Variants in SOX5 observed in about 807,000 individuals in gnomAD.
SOX5 encodes SRY-box transcription factor 5.
A neutral mutation model predicts 92.0 loss-of-function variants in SOX5; 9 were observed. That is an observed-to-expected ratio of 0.10 (90% CI 0.06 to 0.17). The LOEUF is 0.17. SOX5 is among the 10% of genes least tolerant of loss of function. The pLI is 1.00. For missense variants in SOX5, 642 were observed against 944.5 expected, an observed-to-expected ratio of 0.68 and a Z score of 4.20; for synonymous variants, 344 against 336.3, an observed-to-expected ratio of 1.02 and a Z score of -0.25.
intron 1 of SOX5, among the ~76,000 whole-genome samples, chr12:24,370,768 G>T (rs1956660760): frequency 6.6e-6 from 1 of 152,198 alleles, no homozygotes; most frequent in Non-Finnish European, 1.5e-5. Context: ...CTCCAGCCTG[G>T]ATGACAGAAC....
intron 7 of SOX5, among the ~76,000 whole-genome samples, chr12:23,647,794 A>T (rs1380148774): frequency 6.6e-6 from 1 of 152,174 alleles, no homozygotes; most frequent in East Asian, 1.9e-4. Context: ...CTTCCTCTGG[A>T]TTAGGCTTTG....
At chr12:24,240,958 A>G (rs1190253744) in intron 3 of SOX5, among the ~76,000 whole-genome samples, 1 of 152,200 alleles carries the variant, frequency 6.6e-6, no homozygotes, top group Non-Finnish European at 1.5e-5. Flanking sequence ...CAGGTTCCTA[A>G]ATCTTTTCAT....
intron 4 of SOX5, among the ~76,000 whole-genome samples, chr12:24,000,708 C>T (rs1951514829): frequency 6.6e-6 from 1 of 152,052 alleles, no homozygotes; most frequent in African/African-American, 2.4e-5. Flanking sequence ...CCTATAATAA[C>T]TGCATTAAAT....
chr12:23,624,228 G>GT (rs1229037159), intron 8 of SOX5, among the ~76,000 whole-genome samples: 2 of 152,142 alleles, frequency 1.3e-5, no homozygotes, highest in African/African-American at 4.8e-5. Flanking sequence ...TGTAGTTTCA[G>GT]TTTGGGATGA....
At chr12:23,767,269 AT>A (rs2094768584) in intron 3 of SOX5, among the ~76,000 whole-genome samples, 1 of 151,896 alleles carries the variant, frequency 6.6e-6, no homozygotes, top group Non-Finnish European at 1.5e-5. Flanking sequence ...CATCAACATA[AT>A]GTACTATACA....
At chr12:24,547,024 A>T (rs1344583667) in intron 1 of SOX5, among the ~76,000 whole-genome samples, 2 of 152,226 alleles carry the variant, frequency 1.3e-5, no homozygotes, top group Non-Finnish European at 2.9e-5. Flanking sequence ...ACATTTACAT[A>T]GTCAAAGTAA....
Position 24,421,121 on chromosome 12 carries a change from GAATT to G in SOX5, c.-250-52486_-250-52483del, listed in dbSNP as rs1264453046. On this transcript the variant is annotated intron_variant, in intron 1 of 4. Coordinates refer to the SOX5 transcript ENST00000446891. The stretch of plus-strand genomic sequence containing the variant: ...GATTATAAAACATAATGAAATGCAA[GAATT>G]ATTATGGTGAAAGTTCAGATATTAT... Among the ~76,000 whole-genome samples, 3 of 152,196 alleles carry G rather than the reference GAATT, an allele frequency of 2.0e-5. No individual in the cohort carries two copies. The East Asian group carries it at 5.8e-4, about 29-fold the overall frequency.
At position 23,899,856 on chromosome 12, in the gene SOX5, C is replaced by T. The variant is rs11047152; in HGVS notation, c.39-3832G>A. Among the ~76,000 whole-genome samples the T allele has an allele frequency of 6.1e-3, 928 of 152,148 alleles. 13 individuals carry two copies. Among genetic ancestry groups the T allele is most frequent in the African/African-American group, 0.021 (859 of 41,516 alleles). On this transcript the variant is annotated intron_variant, in intron 1 of 14. Coordinates refer to ENST00000451604, the MANE Select transcript of SOX5 (RefSeq NM_006940.6). ...GCCTCTGGTTAAAGAAGCTTATGAG[C>T]TGGTTGAGAATATTTTAAATAAAAG... is the stretch of plus-strand genomic sequence containing the variant.
At chr12:24,436,332 C>T (rs1433023711) in intron 1 of SOX5, among the ~76,000 whole-genome samples, 2 of 152,284 alleles carry the variant, frequency 1.3e-5, no homozygotes, top group Non-Finnish European at 2.9e-5. Flanking sequence ...ATTAAAGGTG[C>T]TACTGCAGTG....
chr12:24,038,690 T>G (rs1280687546), intron 4 of SOX5, among the ~76,000 whole-genome samples: 1 of 152,188 alleles, frequency 6.6e-6, no homozygotes, highest in Non-Finnish European at 1.5e-5. Flanking sequence ...ATTACATGTT[T>G]TAGATTTGAG....
At chr12:24,279,128 T>C (rs1010059373) in intron 2 of SOX5, among the ~76,000 whole-genome samples, 6 of 152,190 alleles carry the variant, frequency 3.9e-5, no homozygotes, top group Non-Finnish European at 7.3e-5. Flanking sequence ...TACCATCATC[T>C]TTATGTCAAG....
intron 2 of SOX5, among the ~76,000 whole-genome samples, chr12:24,349,856 C>T (rs1319347375): frequency 6.6e-6 from 1 of 152,168 alleles, no homozygotes; most frequent in East Asian, 1.9e-4. Context: ...TGAGGGACTG[C>T]TGTACTGTGT....
intron 3 of SOX5, among the ~76,000 whole-genome samples, chr12:24,223,993 G>A (rs1427415128): frequency 6.6e-6 from 1 of 152,156 alleles, no homozygotes; most frequent in African/African-American, 2.4e-5. Flanking sequence ...ATGCAAAGGT[G>A]GTCGCATGAA....
Position 23,530,632 on chromosome 12 carries a change from G to C in SOX5, c.*3587C>G, listed in dbSNP as rs1440946646. The C allele has an allele frequency of 6.6e-6, 1 of 151,974 alleles. No homozygotes were observed. Among genetic ancestry groups the C allele is most frequent in the Non-Finnish European group, 1.5e-5 (1 of 68,012 alleles). The allele number at this position is 151,974 out of a possible 1,614,324, so 9.4% of individuals were successfully genotyped here. On this transcript the variant is annotated 3_prime_UTR_variant, in exon 15 of 15. Transcript: ENST00000451604. ...TAGTTTTATATTTTATCCAATTGTGGTAAGTTAATCACTAACTTATTATTA... is the reference window on the plus strand; with the variant it reads ...TAGTTTTATATTTTATCCAATTGTGCTAAGTTAATCACTAACTTATTATTA...
At chr12:24,259,504 G>A (rs1358673207) in intron 3 of SOX5, among the ~76,000 whole-genome samples, 2 of 152,070 alleles carry the variant, frequency 1.3e-5, no homozygotes, top group South Asian at 4.1e-4. Flanking sequence ...CTAAGTAAAA[G>A]GCATTTTCAA....
intron 2 of SOX5, among the ~76,000 whole-genome samples, chr12:24,303,606 C>G (rs12304682): frequency 0.1 from 15,608 of 152,106 alleles, 830 homozygotes; most frequent in Non-Finnish European, 0.13. Context: ...AGATGTAATT[C>G]CTATAGTTGA....
chr12:24,207,026 C>T (rs926162057), intron 4 of SOX5, among the ~76,000 whole-genome samples: 9 of 152,214 alleles, frequency 5.9e-5, no homozygotes, highest in East Asian at 1.9e-4. Flanking sequence ...CCTCTTCTAA[C>T]GAGCACTTCT....
At chr12:24,018,375 T>C (rs1321143880) in intron 4 of SOX5, among the ~76,000 whole-genome samples, 1 of 152,242 alleles carries the variant, frequency 6.6e-6, no homozygotes, top group South Asian at 2.1e-4. Flanking sequence ...ATTCAACGTA[T>C]CTGATGCATT....
chr12:23,910,632 G>A (rs566161046), intron 1 of SOX5, among the ~76,000 whole-genome samples: 3 of 152,220 alleles, frequency 2.0e-5, no homozygotes, highest in Non-Finnish European at 2.9e-5. Context: ...TGTATCATCT[G>A]TTAAGTTAGT....
Sources: allele counts gnomAD v4.1 joint callset (sites outside exome capture counted in the v4.1 genomes callset), GRCh38; gene constraint gnomAD v4.1.1; transcripts MANE v1.5; gene names NCBI Gene and HGNC (gene_info 2026-07-23, HGNC 2026-07-21).